MAGI2: variants seen among roughly 807,000 people sequenced by gnomAD.
MAGI2 encodes membrane associated guanylate kinase, WW and PDZ domain containing 2.
MAGI2 carries 35 observed loss-of-function variants against 133.3 expected under a neutral mutation model. The ratio of observed to expected loss-of-function variants is 0.26; its 90% CI spans 0.20 to 0.35. The LOEUF (loss-of-function observed/expected upper bound fraction) is 0.35, where lower values mean the gene tolerates loss of function less well. MAGI2 is among the 10% of genes least tolerant of loss of function. The pLI, the probability that MAGI2 is intolerant of heterozygous loss-of-function variation, is 1.00. For synonymous variants in MAGI2, 729 were observed against 710.6 expected (o/e 1.03, Z -0.41); for missense variants, 1,636 against 1,863.4 (o/e 0.88, Z 2.25).
chr7:78,755,692 A>G (rs1167326871), intron 2 of MAGI2, among the ~76,000 whole-genome samples: 1 of 152,188 alleles, frequency 6.6e-6, no homozygotes, highest in African/African-American at 2.4e-5. Context: ...TGGAACTTGT[A>G]ACTCCTGATT....
At chr7:78,155,456 A>T (rs1180420978) in intron 16 of MAGI2, among the ~76,000 whole-genome samples, 2 of 152,174 alleles carry the variant, frequency 1.3e-5, no homozygotes, top group African/African-American at 4.8e-5. Context: ...TCTACTAAAA[A>T]TACAAAAATT....
chr7:78,559,170 C>CAAAAA (rs1563168332), intron 3 of MAGI2, among the ~76,000 whole-genome samples: 3 of 32,596 alleles, frequency 9.2e-5, no homozygotes, highest in Non-Finnish European at 1.4e-4. Flanking sequence ...AAAAAAAAGC[C>CAAAAA]AAAAAGAAAA....
chr7:78,427,075 T>C (rs1726854629), intron 6 of MAGI2, among the ~76,000 whole-genome samples: 1 of 152,140 alleles, frequency 6.6e-6, no homozygotes. Context: ...GGAAGTATAT[T>C]GTAATCTTTA....
At chr7:79,176,952 C>T (rs1412668334) in intron 1 of MAGI2, 1 of 151,966 alleles carries the variant, frequency 6.6e-6, no homozygotes, top group Non-Finnish European at 1.5e-5. Flanking sequence ...GTTTAGCAAA[C>T]TGAACCTTGT....
chr7:78,832,821 A>G (rs1024848680), intron 2 of MAGI2, among the ~76,000 whole-genome samples: 1 of 152,176 alleles, frequency 6.6e-6, no homozygotes, highest in Non-Finnish European at 1.5e-5. Context: ...CCCTGCAGAG[A>G]GCCTATGAAT....
intron 2 of MAGI2, among the ~76,000 whole-genome samples, chr7:78,821,212 A>C (rs1292579319): frequency 6.6e-6 from 1 of 152,054 alleles, no homozygotes; most frequent in African/African-American, 2.4e-5. Context: ...ACTATGAGAT[A>C]TGTTACGAAG....
chr7:79,128,587 G>C (rs1820637542), intron 1 of MAGI2, among the ~76,000 whole-genome samples: 1 of 152,120 alleles, frequency 6.6e-6, no homozygotes, highest in Non-Finnish European at 1.5e-5. Flanking sequence ...TCAGGAACAA[G>C]CTGAAATAGT....
intron 4 of MAGI2, among the ~76,000 whole-genome samples, chr7:78,510,838 C>G (rs1365288467): frequency 6.6e-6 from 1 of 152,168 alleles, no homozygotes; most frequent in African/African-American, 2.4e-5. Flanking sequence ...TGATTTAAAG[C>G]AAAATCAGAA....
intron 11 of MAGI2, among the ~76,000 whole-genome samples, chr7:78,196,619 A>T (rs1200175221): frequency 6.6e-6 from 1 of 152,156 alleles, no homozygotes; most frequent in East Asian, 1.9e-4. Context: ...CATATACTCC[A>T]GTGTTTTTTA....
chr7:78,728,666 C>G (rs1425033244), intron 2 of MAGI2, among the ~76,000 whole-genome samples: 1 of 108,130 alleles, frequency 9.2e-6, no homozygotes, highest in Non-Finnish European at 1.8e-5. Context: ...CCCGGGTTCA[C>G]ACCATTCTCC....
At chr7:78,882,292 T>C (rs1028518506) in intron 2 of MAGI2, among the ~76,000 whole-genome samples, 2 of 151,494 alleles carry the variant, frequency 1.3e-5, no homozygotes, top group South Asian at 2.1e-4. Context: ...CCTGGTAACA[T>C]ACAACTTCCC....
chr7:78,369,086 C>A, intron 7 of MAGI2, 70 bp downstream of exon 7: 1 of 1,145,426 alleles, frequency 8.7e-7, no homozygotes, highest in South Asian at 1.6e-5. Flanking sequence ...CACACATGCT[C>A]AATAAATAAA....
intron 14 of MAGI2, among the ~76,000 whole-genome samples, chr7:78,171,906 T>TTG (rs1563213273): frequency 3.3e-5 from 5 of 151,424 alleles, no homozygotes; most frequent in African/African-American, 7.3e-5. Context: ...TGTTTGTTTT[T>TTG]TTTTCCCTAT....
rs564683301 is a variant in MAGI2 at position 78,366,642 on chromosome 7, C to T, written c.1103+2514G>A. 1.8e-4 allele frequency among the ~76,000 whole-genome samples: 28 copies of T among 152,152 alleles called. No homozygotes were observed. The South Asian group carries it at 3.7e-3, about 20-fold the overall frequency. On this transcript the variant is annotated intron_variant, in intron 7 of 21. Transcript: ENST00000354212. ...TTTTGGGATGATGGAAGATATCCCC[C>T]ATCTCAAGTAATGTATACATCATAT...
chr7:78,053,159 G>A (rs1812193246), intron 21 of MAGI2, among the ~76,000 whole-genome samples: 1 of 152,182 alleles, frequency 6.6e-6, no homozygotes, highest in South Asian at 2.1e-4. Context: ...AATCAGAAAA[G>A]TTACCTAAAA....
intron 2 of MAGI2, among the ~76,000 whole-genome samples, chr7:78,798,537 T>C (rs540588287): frequency 6.6e-6 from 1 of 152,266 alleles, no homozygotes; most frequent in East Asian, 1.9e-4. Flanking sequence ...GTCCTGCTGC[T>C]CCTTGTTCTT....
At chr7:78,860,379 T>C (rs1794055604) in intron 2 of MAGI2, among the ~76,000 whole-genome samples, 1 of 152,216 alleles carries the variant, frequency 6.6e-6, no homozygotes, top group Admixed American at 6.5e-5. Context: ...TGTGGTTTTA[T>C]CTACCTTTGG....
At chr7:78,045,307 T>G (rs369085347) in intron 21 of MAGI2, among the ~76,000 whole-genome samples, 14 of 152,106 alleles carry the variant, frequency 9.2e-5, no homozygotes, top group African/African-American at 2.9e-4. Flanking sequence ...GGGGTCTTAT[T>G]TTTTTTAGTT....
chr7:78,694,887 T>C (rs963208201), intron 2 of MAGI2, among the ~76,000 whole-genome samples: 1 of 152,212 alleles, frequency 6.6e-6, no homozygotes. Context: ...TATTACTTGT[T>C]GGTGTTTTCT....
Sources: allele counts gnomAD v4.1 joint callset (sites outside exome capture counted in the v4.1 genomes callset), GRCh38; gene constraint gnomAD v4.1.1; transcripts MANE v1.5; gene names NCBI Gene and HGNC (gene_info 2026-07-23, HGNC 2026-07-21).